The following NALF1 variants were observed in gnomAD, a reference collection of about 807,000 sequenced individuals.
The protein encoded by NALF1 is family with sequence similarity 155 member A.
NALF1 carries 3 observed loss-of-function variants against 48.4 expected under a neutral mutation model. That is an observed-to-expected ratio of 0.06 (90% CI 0.03 to 0.16). The LOEUF (loss-of-function observed/expected upper bound fraction) is 0.16, where lower values mean the gene tolerates loss of function less well. NALF1 is among the 10% of genes least tolerant of loss of function. The pLI is 1.00. For synonymous variants in NALF1, 262 were observed against 245.7 expected (o/e 1.07, Z -0.62); for missense variants, 526 against 571.5 (o/e 0.92, Z 0.81).
intron 1 of NALF1, among the ~76,000 whole-genome samples, chr13:107,375,552 T>G (rs1883321591): frequency 6.6e-6 from 1 of 152,094 alleles, no homozygotes; most frequent in Admixed American, 6.5e-5. Context: ...CTCCGTGTAA[T>G]AATATATTGC....
chr13:107,838,249 G>T (rs1022256712), intron 1 of NALF1, among the ~76,000 whole-genome samples: 4 of 151,910 alleles, frequency 2.6e-5, no homozygotes, highest in African/African-American at 7.2e-5. Flanking sequence ...TGTCAGAAAA[G>T]CACCCTCAGA....
At chr13:107,298,213 GT>G (rs1426344871) in intron 1 of NALF1, among the ~76,000 whole-genome samples, 3 of 151,526 alleles carry the variant, frequency 2.0e-5, no homozygotes, top group African/African-American at 7.3e-5. Context: ...AGCCGGGTGT[GT>G]TGGCGGGCGC....
chr13:107,321,786 T>A (rs752306303), intron 1 of NALF1, among the ~76,000 whole-genome samples: 4 of 152,166 alleles, frequency 2.6e-5, no homozygotes, highest in Non-Finnish European at 4.4e-5. Context: ...AAATGTGGCA[T>A]CATTTTGAGA....
chr13:107,510,616 T>C (rs2139086947), intron 1 of NALF1, among the ~76,000 whole-genome samples: 1 of 152,206 alleles, frequency 6.6e-6, no homozygotes, highest in East Asian at 1.9e-4. Flanking sequence ...AGTGTATTGA[T>C]ATCAAAATAG....
chr13:107,742,801 TCACAACCCCC>T (rs1404621725), intron 1 of NALF1, among the ~76,000 whole-genome samples: 27 of 152,298 alleles, frequency 1.8e-4, no homozygotes, highest in African/African-American at 6.5e-4. Flanking sequence ...TGGGTTATAC[TCACAACCCCC>T]AGCAGAGGGT....
At chr13:107,802,157 T>C (rs1878636436) in intron 1 of NALF1, among the ~76,000 whole-genome samples, 1 of 152,180 alleles carries the variant, frequency 6.6e-6, no homozygotes, top group African/African-American at 2.4e-5. Context: ...ATGTAAACCA[T>C]CATTTGTTTG....
chr13:107,614,637 T>C (rs1029213127), intron 1 of NALF1, among the ~76,000 whole-genome samples: 3 of 152,220 alleles, frequency 2.0e-5, no homozygotes, highest in Admixed American at 2.0e-4. Context: ...AACTATTCTC[T>C]GGATAAAGAT....
intron 1 of NALF1, among the ~76,000 whole-genome samples, chr13:107,637,542 A>C (rs1306768647): frequency 6.6e-6 from 1 of 152,200 alleles, no homozygotes; most frequent in African/African-American, 2.4e-5. Context: ...TGAACAATTA[A>C]GCTCTCAGTC....
At chr13:107,296,721 T>C (rs1391524367) in intron 1 of NALF1, among the ~76,000 whole-genome samples, 1 of 152,104 alleles carries the variant, frequency 6.6e-6, no homozygotes, top group African/African-American at 2.4e-5. Flanking sequence ...CTAGTTGCAA[T>C]GTACAAAGGC....
chr13:107,391,595 T>G (rs530004568), intron 1 of NALF1, among the ~76,000 whole-genome samples: 2 of 152,224 alleles, frequency 1.3e-5, no homozygotes, highest in East Asian at 3.9e-4. Context: ...CCTCTCTCTC[T>G]CTGAAGTCGT....
chr13:107,595,544 T>C (rs1428032933), intron 1 of NALF1, among the ~76,000 whole-genome samples: 1 of 152,152 alleles, frequency 6.6e-6, no homozygotes, highest in Non-Finnish European at 1.5e-5. Flanking sequence ...GCCAAACTAG[T>C]ACTAAATAAT....
chr13:107,275,382 G>A (rs1881259399), intron 1 of NALF1, among the ~76,000 whole-genome samples: 2 of 152,112 alleles, frequency 1.3e-5, no homozygotes, highest in African/African-American at 4.8e-5. Context: ...GACAGGCAAA[G>A]TCAAAGTATA....
chr13:107,415,391 T>C (rs1566332975), intron 1 of NALF1, among the ~76,000 whole-genome samples: 1 of 152,038 alleles, frequency 6.6e-6, no homozygotes, highest in Non-Finnish European at 1.5e-5. Context: ...TTTTTTTTTT[T>C]CTTTTTCTGT....
chr13:107,812,172 G>A (rs998835379), intron 1 of NALF1, among the ~76,000 whole-genome samples: 1 of 152,114 alleles, frequency 6.6e-6, no homozygotes, highest in African/African-American at 2.4e-5. Context: ...TCACCTAGAT[G>A]TATGTTAAAT....
intron 1 of NALF1, among the ~76,000 whole-genome samples, chr13:107,523,329 C>A (rs16970578): frequency 0.044 from 6,647 of 152,164 alleles, 231 homozygotes; most frequent in East Asian, 0.1. Flanking sequence ...ATCTCAGTAG[C>A]AAAAGTGCCC....
At chr13:107,697,715 T>G (rs1452116043) in intron 1 of NALF1, among the ~76,000 whole-genome samples, 1 of 152,086 alleles carries the variant, frequency 6.6e-6, no homozygotes, top group Non-Finnish European at 1.5e-5. Flanking sequence ...AATATGAAAG[T>G]AAAAAGAATC....
intron 1 of NALF1, among the ~76,000 whole-genome samples, chr13:107,477,683 C>A (rs553343212): frequency 6.6e-6 from 1 of 152,030 alleles, no homozygotes; most frequent in Non-Finnish European, 1.5e-5. Context: ...TTCTTGATTC[C>A]AGGACTCTTT....
chr13:107,585,501 G>C (rs964605305), intron 1 of NALF1, among the ~76,000 whole-genome samples: 1 of 152,276 alleles, frequency 6.6e-6, no homozygotes, highest in Non-Finnish European at 1.5e-5. Flanking sequence ...TAGAGGCAAA[G>C]GAGAAAGCTT....
At chr13:107,548,423 A>T (rs937082263) in intron 1 of NALF1, among the ~76,000 whole-genome samples, 3 of 152,130 alleles carry the variant, frequency 2.0e-5, no homozygotes, top group Non-Finnish European at 4.4e-5. Context: ...AATAGTGCTG[A>T]AAAAACATCT....
Sources: gnomAD v4.1 joint callset for allele counts (sites outside exome capture counted in the v4.1 genomes callset) on GRCh38, gnomAD v4.1.1 for gene constraint, MANE v1.5 for transcripts, NCBI Gene and HGNC (gene_info 2026-07-23, HGNC 2026-07-21) for gene names.